The following NME1 variants were observed in gnomAD, a reference collection of about 807,000 sequenced individuals.
The protein encoded by NME1 is NME/NM23 nucleoside diphosphate kinase 1.
NME1 carries 9 observed loss-of-function variants against 17.2 expected under a neutral mutation model. That is an observed-to-expected ratio of 0.52 (90% CI 0.32 to 0.92). The LOEUF is 0.92. Among genes scored for constraint, NME1 ranks in the 40% least tolerant of loss-of-function variants. The probability of loss-of-function intolerance (pLI) is 0.04; values close to 1 mark genes in which losing one functional copy is unlikely to be tolerated. For synonymous variants in NME1, 72 were observed against 70.8 expected (o/e 1.02, Z -0.09); for missense variants, 169 against 201.7 (o/e 0.84, Z 0.98).
In NME1 at chr17:51,161,191, G is replaced by T. The variant is rs1381774953; in HGVS notation, c.260G>T (p.Gly87Val). The T allele has an allele frequency of 1.2e-6, 2 of 1,612,438 alleles. No individual in the cohort carries two copies. Among genetic ancestry groups the T allele is most frequent in the Non-Finnish European group, 1.7e-6 (2 of 1,179,344 alleles). Reference protein sequence around the residue: ...VWEGLNVVKTGRVMLGETNPA... With the variant: ...VWEGLNVVKTVRVMLGETNPA... ...GAGGGGCTGAATGTGGTGAAGACGG[G>T]CCGAGTCATGCTCGGGGAGACCAAC... is the stretch of plus-strand genomic sequence containing the variant. The change falls in exon 4 of 5, where the codon GGC becomes GTC. Residue 87 changes from glycine (G) to valine (V), a missense_variant. Physicochemically the swap from Gly to Val is moderately radical, Grantham distance 109. Coordinates refer to ENST00000393196, the MANE Select transcript of NME1 (RefSeq NM_000269.3).
intron 4 of NME1, 44 bp downstream of exon 4, chr17:51,161,316 G>A: frequency 6.5e-7 from 1 of 1,541,680 alleles, no homozygotes; most frequent in Non-Finnish European, 8.8e-7. Flanking sequence ...ATCTGATTTA[G>A]TTGCCACAAG....
At chr17:51,157,824 A>G (rs977077738) in intron 2 of NME1, among the ~76,000 whole-genome samples, 3 of 152,036 alleles carry the variant, frequency 2.0e-5, no homozygotes, top group Non-Finnish European at 2.9e-5. Flanking sequence ...TGAATTTCCT[A>G]TTAAGGATAT....
intron 4 of NME1, 112 bp from the exon 5 acceptor site, chr17:51,161,616 C>A: frequency 1.1e-6 from 1 of 884,588 alleles, no homozygotes; most frequent in Non-Finnish European, 1.9e-6. Flanking sequence ...TTAACATGGT[C>A]TAATGTCCAT....
rs546823336 is a variant in NME1, at chr17:51,161,189, G to A, written c.258G>A (p.Thr86=). The A allele has an allele frequency of 4.7e-5, 75 of 1,612,296 alleles. No homozygotes were observed. The highest frequency in any genetic ancestry group is 1.6e-4 in the Middle Eastern group (1 of 6,082). The change falls in exon 4 of 5, where the codon ACG becomes ACA. Residue 86 remains threonine (T), a synonymous_variant. Coordinates refer to ENST00000393196, the MANE Select transcript of NME1 (RefSeq NM_000269.3). ...GGGAGGGGCTGAATGTGGTGAAGACGGGCCGAGTCATGCTCGGGGAGACCA... is the reference window on the plus strand; with the variant it reads ...GGGAGGGGCTGAATGTGGTGAAGACAGGCCGAGTCATGCTCGGGGAGACCA... ...MVWEGLNVVK[T]GRVMLGETNP...
intron 1 of NME1, among the ~76,000 whole-genome samples, chr17:51,154,871 C>T (rs1164781083): frequency 6.6e-6 from 1 of 152,156 alleles, no homozygotes; most frequent in East Asian, 1.9e-4. Flanking sequence ...AAGATAGTGC[C>T]TTGTTTTTAA....
rs756922771 is a variant in NME1 at position 51,161,283 on chromosome 17, G to C, written c.341+11G>C. 11 of 1,594,334 alleles carry C rather than the reference G, an allele frequency of 6.9e-6. No individual in the cohort carries two copies. The East Asian group carries it at 2.5e-4, about 36-fold the overall frequency. On this transcript the variant is annotated intron_variant, in intron 4 of 4. Coordinates refer to ENST00000393196, the MANE Select transcript of NME1 (RefSeq NM_000269.3). ...CATACAAGTTGGCAGGTGAGATTTT[G>C]GTATTTTTCCCCCTTTTCCAAAATC...
At chr17:51,155,819 A>G (rs774939650) in intron 2 of NME1, 39 bp downstream of exon 2, 32 of 1,610,690 alleles carry the variant, frequency 2.0e-5, no homozygotes, top group Non-Finnish European at 2.5e-5. Context: ...ATTCCTTCAT[A>G]GTATAGGAGA....
chr17:51,156,429 G>A (rs8074416), intron 2 of NME1: 33,472 of 157,110 alleles, frequency 0.21, 3,867 homozygotes, highest in African/African-American at 0.3. Context: ...GCTCATACCT[G>A]TAATCCCAGC....
intron 3 of NME1, chr17:51,160,334 G>T (rs1389224165): frequency 1.3e-5 from 7 of 559,806 alleles, no homozygotes; most frequent in Non-Finnish European, 2.3e-5. Context: ...AAGAAGCAGC[G>T]ATCTGAATGA....
Position 51,155,645 on chromosome 17 carries a change from C to T in NME1, c.-4-6C>T. ...CTGTTTCATTCCTCTACCTGCCTATCCCCAGAACCATGGCCAACTGTGAGC... is the reference window on the plus strand; with the variant it reads ...CTGTTTCATTCCTCTACCTGCCTATTCCCAGAACCATGGCCAACTGTGAGC... On this transcript the variant is annotated splice_polypyrimidine_tract_variant and splice_region_variant and intron_variant, in intron 1 of 4. Coordinates refer to ENST00000393196, the MANE Select transcript of NME1 (RefSeq NM_000269.3). 2.5e-6 allele frequency: 4 copies of T among 1,613,626 alleles called. No homozygotes were observed. The highest frequency in any genetic ancestry group is 3.4e-6 in the Non-Finnish European group (4 of 1,179,742).
intron 3 of NME1, 62 bp downstream of exon 3, chr17:51,160,143 T>G: frequency 1.9e-6 from 3 of 1,568,714 alleles, no homozygotes; most frequent in Non-Finnish European, 1.8e-6. Context: ...CTAGGCTCTC[T>G]TCTAGACACT....
chr17:51,156,756 G>A (rs2049791513), intron 2 of NME1, among the ~76,000 whole-genome samples: 1 of 151,878 alleles, frequency 6.6e-6, no homozygotes, highest in African/African-American at 2.4e-5. Context: ...GCCAGGCGTG[G>A]TGGCATGCGC....
Position 51,161,972 on chromosome 17 carries a change from T to C in NME1, c.*127T>C. 2 of 727,356 alleles carry C rather than the reference T, an allele frequency of 2.7e-6. No homozygotes were observed. The highest frequency in any genetic ancestry group is 2.5e-6 in the Non-Finnish European group (1 of 404,042). 45.1% of individuals were successfully genotyped at this position (727,356 alleles called of 1,614,324 possible). A position where few individuals can be genotyped will look rare whatever the true frequency, so the allele number is the denominator to read the frequency against. On this transcript the variant is annotated 3_prime_UTR_variant, in exon 5 of 5. Transcript: ENST00000393196. ...TAATTTGGAGGGAAGCTCTTGGAGC[T>C]GTGAGTTCTCCCTGTACAGTGTTAC...
At chr17:51,155,106 T>A (rs2049766057) in intron 1 of NME1, among the ~76,000 whole-genome samples, 1 of 149,054 alleles carries the variant, frequency 6.7e-6, no homozygotes, top group African/African-American at 2.5e-5. Context: ...TAGCTGGGTG[T>A]GGTGGCACGC....
chr17:51,161,923 T>A lies in NME1; in HGVS notation c.*78T>A. On this transcript the variant is annotated 3_prime_UTR_variant, in exon 5 of 5. Coordinates refer to ENST00000393196, the MANE Select transcript of NME1 (RefSeq NM_000269.3). ...GCAGAGGACCAGGCTGTAGGAAATCTAGTTATTTACAGGAACTTCATCATA... is the reference window on the plus strand; with the variant it reads ...GCAGAGGACCAGGCTGTAGGAAATCAAGTTATTTACAGGAACTTCATCATA... The A allele has an allele frequency of 1.0e-6, 1 of 952,880 alleles. No homozygotes were observed. The highest frequency in any genetic ancestry group is 1.7e-6 in the Non-Finnish European group (1 of 584,708). The allele number at this position is 952,880 out of a possible 1,614,324, so 59.0% of individuals were successfully genotyped here. A position where few individuals can be genotyped will look rare whatever the true frequency, so the allele number is the denominator to read the frequency against.
At chr17:51,161,017 G>A (rs1488387454) in intron 3 of NME1, 143 bp from the exon 4 acceptor site, 1 of 854,152 alleles carries the variant, frequency 1.2e-6, no homozygotes, top group African/African-American at 1.7e-5. Context: ...TGGAATAAGT[G>A]GATATACTCT....
At chr17:51,154,157 C>CTTTTTTTTTTTTT in intron 1 of NME1, 1 of 531,716 alleles carries the variant, frequency 1.9e-6, no homozygotes, top group Non-Finnish European at 3.4e-6. Flanking sequence ...TTGTCTCTCT[C>CTTTTTTTTTTTTT]TCTTTTTTTT....
intron 2 of NME1, among the ~76,000 whole-genome samples, chr17:51,159,243 C>T (rs1438696413): frequency 6.6e-6 from 1 of 152,132 alleles, no homozygotes; most frequent in Non-Finnish European, 1.5e-5. Context: ...CACTTGAGTC[C>T]AGGAGTTTGA....
Position 51,155,755 on chromosome 17 carries a change from G to A in NME1, c.101G>A (p.Arg34His), listed in dbSNP as rs765050521. The A allele has an allele frequency of 1.5e-5, 25 of 1,613,772 alleles. No individual in the cohort carries two copies. Among genetic ancestry groups the A allele is most frequent in the Non-Finnish European group, 2.0e-5 (24 of 1,179,854 alleles). ...AAGCGTTTTGAGCAGAAAGGATTCC[G>A]CCTTGTTGGTCTGAAATTCATGCAA... ...IIKRFEQKGFRLVGLKFMQAS... is the reference protein window; with the variant it reads ...IIKRFEQKGFHLVGLKFMQAS... The change falls in exon 2 of 5, where the codon CGC becomes CAC. Residue 34 changes from arginine (R) to histidine (H), a missense_variant. Physicochemically the swap from Arg to His is conservative, Grantham distance 29 (BLOSUM62 0). Transcript: ENST00000393196.
Sources: allele counts gnomAD v4.1 joint callset (sites outside exome capture counted in the v4.1 genomes callset), GRCh38; gene constraint gnomAD v4.1.1; transcripts MANE v1.5; gene names NCBI Gene and HGNC (gene_info 2026-07-23, HGNC 2026-07-21).